RYR2: variants seen among roughly 807,000 people sequenced by gnomAD.
RYR2 encodes ryanodine receptor 2, also known as cardiac muscle ryanodine receptor-calcium release channel.
Under a neutral mutation model 601.1 loss-of-function variants are expected in RYR2, and 227 were observed. The observed-to-expected ratio is 0.38, with a 90% CI of 0.34 to 0.42. The LOEUF (loss-of-function observed/expected upper bound fraction) is 0.42, where lower values mean the gene tolerates loss of function less well. Ranked by LOEUF, RYR2 falls within the 10% of genes least tolerant of loss-of-function variation. The pLI is 1.00. For synonymous variants in RYR2, 2,223 were observed against 2,175.1 expected (o/e 1.02, Z -0.61); for missense variants, 4,646 against 6,156.5 (o/e 0.75, Z 8.21).
In RYR2 at chr1:237,494,376, C is replaced by T. The variant is rs140714029; in HGVS notation, c.1961+1289C>T. On this transcript the variant is annotated intron_variant, in intron 19 of 104. Transcript: ENST00000366574. Reference sequence around the variant, plus strand: ...GTTCAAGGGCAGAAAGCACCCAGCACGGGAGAAAGATGAAGGATGGAAAAC... The same window carrying T: ...GTTCAAGGGCAGAAAGCACCCAGCATGGGAGAAAGATGAAGGATGGAAAAC... Among the ~76,000 whole-genome samples, 354 of 152,230 alleles carry T rather than the reference C, an allele frequency of 2.3e-3. 3 individuals are homozygous for T. The highest frequency in any genetic ancestry group is 8.0e-3 in the African/African-American group (331 of 41,526).
chr1:237,449,192 G>A (rs1212385922), intron 14 of RYR2, among the ~76,000 whole-genome samples: 1 of 151,960 alleles, frequency 6.6e-6, no homozygotes, highest in Non-Finnish European at 1.5e-5. Flanking sequence ...GATTAGCTGA[G>A]TATTTTCTAT....
At chr1:237,359,494 A>G (rs1478790138) in intron 4 of RYR2, among the ~76,000 whole-genome samples, 1 of 152,182 alleles carries the variant, frequency 6.6e-6, no homozygotes, top group Non-Finnish European at 1.5e-5. Context: ...GGGTGCGTTT[A>G]CCACCACCAG....
intron 16 of RYR2, among the ~76,000 whole-genome samples, chr1:237,457,064 A>G (rs1344478615): frequency 6.6e-6 from 1 of 152,196 alleles, no homozygotes; most frequent in Non-Finnish European, 1.5e-5. Flanking sequence ...TCTGAGTGAG[A>G]AAGGTAGCTA....
intron 10 of RYR2, among the ~76,000 whole-genome samples, chr1:237,408,517 T>C (rs921779546): frequency 6.6e-6 from 1 of 151,756 alleles, no homozygotes; most frequent in Non-Finnish European, 1.5e-5. Context: ...CTAGGCTCTC[T>C]ATTCTGTTCC....
intron 66 of RYR2, among the ~76,000 whole-genome samples, 190 bp from the exon 67 acceptor site, chr1:237,705,022 CT>C (rs1283116728): frequency 4.6e-5 from 7 of 151,954 alleles, no homozygotes; most frequent in Admixed American, 3.3e-4. Context: ...GATAATTTAG[CT>C]TTTTTTCAAA....
chr1:237,301,165 A>C (rs1438585081), intron 2 of RYR2, among the ~76,000 whole-genome samples: 1 of 152,168 alleles, frequency 6.6e-6, no homozygotes. Flanking sequence ...AACAGACTTT[A>C]AAAACCACAA....
At chr1:237,550,878 T>C (rs1018086667) in intron 27 of RYR2, among the ~76,000 whole-genome samples, 187 bp downstream of exon 27, 34 of 152,228 alleles carry the variant, frequency 2.2e-4, no homozygotes, top group African/African-American at 7.2e-4. Flanking sequence ...GTGGGATGGC[T>C]CAGGATGCTG....
chr1:237,501,299 AC>A (rs1167564430), intron 21 of RYR2, among the ~76,000 whole-genome samples: 4 of 151,596 alleles, frequency 2.6e-5, no homozygotes, highest in Admixed American at 2.6e-4. Context: ...ACCCCATTGC[AC>A]ACCCTCTTAT....
At chr1:237,641,099 C>A in intron 47 of RYR2, 97 bp downstream of exon 47, 1 of 694,374 alleles carries the variant, frequency 1.4e-6, no homozygotes. Flanking sequence ...AACCAATAAT[C>A]TTCATGCTCC....
At position 237,470,011 on chromosome 1, in the gene RYR2, T is replaced by C. The variant is rs926770682; in HGVS notation, c.1708+824T>C. ...CACATAATTGACCTCTCTAGTGCCA[T>C]AGATTGCCTCAGTGACACCCAAATG... On this transcript the variant is annotated intron_variant, in intron 17 of 104. Transcript: ENST00000366574. Among the ~76,000 whole-genome samples, 24 of 152,222 alleles carry C rather than the reference T, an allele frequency of 1.6e-4. 1 individual carries two copies. Among genetic ancestry groups the C allele is most frequent in the Admixed American group, 1.3e-3 (20 of 15,286 alleles).
rs1195734687 is a variant in RYR2 at position 237,493,014 on chromosome 1, C to T, written c.1888C>T (p.His630Tyr). Residue 630 changes from histidine to tyrosine, a missense_variant, in exon 19 of 105, where the codon CAT becomes TAT. Coordinates refer to ENST00000366574, the MANE Select transcript of RYR2 (RefSeq NM_001035.3). The stretch of plus-strand genomic sequence containing the variant: ...CGGGGTTGCAGTCCGTTCTAACCAG[C>T]ATCTCATCTGTGACAATCTCCTACC... Reference protein sequence around the residue: ...CHGVAVRSNQHLICDNLLPGR... With the variant: ...CHGVAVRSNQYLICDNLLPGR... 3 of 1,612,016 alleles carry T rather than the reference C, an allele frequency of 1.9e-6. No homozygotes were observed.
At chr1:237,607,931 C>T (rs953860944) in intron 35 of RYR2, among the ~76,000 whole-genome samples, 4 of 152,154 alleles carry the variant, frequency 2.6e-5, no homozygotes, top group Non-Finnish European at 2.9e-5. Context: ...AACTAAACAT[C>T]TTGAGCAGTG....
intron 17 of RYR2, among the ~76,000 whole-genome samples, chr1:237,474,240 TATAGATATATAC>T (rs1661127760): frequency 7.0e-6 from 1 of 142,032 alleles, no homozygotes; most frequent in South Asian, 2.3e-4. Context: ...CATATATATG[TATAGATATATAC>T]ATATGTATAG....
rs560732023 is a variant in RYR2 at position 237,669,536 on chromosome 1, G to T, written c.8590+1578G>T. ...CCCCCCCACCTCCCTCCCGCACGGG[G>T]CGGCTGCCGGGCGGAGGGGCTCCTC... On this transcript the variant is annotated intron_variant, in intron 58 of 104. Transcript: ENST00000366574. Among the ~76,000 whole-genome samples the T allele has an allele frequency of 1.8e-3, 271 of 151,694 alleles. 1 individual carries two copies. The highest frequency in any genetic ancestry group is 6.2e-3 in the African/African-American group (258 of 41,372).
rs1573222497 is a variant in RYR2 at position 237,631,538 on chromosome 1, C to T, written c.6552C>T (p.Ser2184=). The change falls in exon 42 of 105, where the codon TCC becomes TCT. Residue 2184 remains serine (S), a synonymous_variant. Coordinates refer to ENST00000366574, the MANE Select transcript of RYR2 (RefSeq NM_001035.3). ...VMVNVLGGGE[S]KEITFPKMVA... ...TGAACGTCCTTGGAGGTGGAGAGTC[C>T]AAGGTAACGTCTTTGATTCCTGAGA... The T allele has an allele frequency of 6.3e-7, 1 of 1,577,048 alleles. No homozygotes were observed.
chr1:237,560,483 C>T (rs1447893320), intron 27 of RYR2, among the ~76,000 whole-genome samples: 1 of 152,200 alleles, frequency 6.6e-6, no homozygotes, highest in African/African-American at 2.4e-5. Context: ...CTGTTCTGCC[C>T]ACTACAAGGG....
At chr1:237,178,387 G>A (rs1041776783) in intron 1 of RYR2, among the ~76,000 whole-genome samples, 2 of 145,134 alleles carry the variant, frequency 1.4e-5, no homozygotes, top group African/African-American at 5.1e-5. Context: ...TTTTGTTTTT[G>A]TAGTTAAGGC....
At chr1:237,108,647 G>C (rs1015793520) in intron 1 of RYR2, among the ~76,000 whole-genome samples, 1 of 152,202 alleles carries the variant, frequency 6.6e-6, no homozygotes. Context: ...GAGAGGCCGG[G>C]AGTGTGTAGG....
chr1:237,791,882 C>G, intron 93 of RYR2: 4 of 584,786 alleles, frequency 6.8e-6, no homozygotes, highest in Non-Finnish European at 1.2e-5. Context: ...GCATTGGAAT[C>G]CTCAGAATTT....
Sources: gnomAD v4.1 joint callset for allele counts (sites outside exome capture counted in the v4.1 genomes callset) on GRCh38, gnomAD v4.1.1 for gene constraint, MANE v1.5 for transcripts, NCBI Gene and HGNC (gene_info 2026-07-23, HGNC 2026-07-21) for gene names.